Variants in GRIP1 observed in about 807,000 individuals in gnomAD.
GRIP1 encodes glutamate receptor-interacting protein 1.
A neutral mutation model predicts 129.9 loss-of-function variants in GRIP1; 45 were observed. The ratio of observed to expected loss-of-function variants is 0.35; its 90% confidence interval spans 0.27 to 0.44. GRIP1 has a LOEUF of 0.44. GRIP1 is among the 20% of genes least tolerant of loss of function. The pLI is 1.00. For synonymous variants in GRIP1, 530 were observed against 520.8 expected, an observed-to-expected ratio of 1.02 and a Z score of -0.24; for missense variants, 1,196 against 1,396.8, an observed-to-expected ratio of 0.86 and a Z score of 2.29.
chr12:66,592,909 G>A (rs915088290), intron 2 of GRIP1, among the ~76,000 whole-genome samples: 1 of 152,168 alleles, frequency 6.6e-6, no homozygotes, highest in African/African-American at 2.4e-5. Context: ...GGTAGAATCT[G>A]TTAGTTCTGA....
chr12:66,510,031 C>T (rs1192314966), intron 7 of GRIP1, among the ~76,000 whole-genome samples: 1 of 152,010 alleles, frequency 6.6e-6, no homozygotes, highest in Admixed American at 6.6e-5. Flanking sequence ...GCTCTCAGAC[C>T]CAATCATTTG....
intron 15 of GRIP1, among the ~76,000 whole-genome samples, chr12:66,412,795 T>C (rs2057449361): frequency 6.6e-6 from 1 of 152,102 alleles, no homozygotes; most frequent in African/African-American, 2.4e-5. Context: ...GAGTAAAATT[T>C]ACCAAGCAAT....
In GRIP1 at chr12:66,377,242, TCTC is replaced by T. The variant is rs775594005; in HGVS notation, c.2662_2664del (p.Glu888del). 7.4e-6 allele frequency: 12 copies of T among 1,613,654 alleles called. No homozygotes were observed. In the South Asian group the frequency reaches 7.7e-5, roughly 10 times the overall value. On this transcript the variant is annotated inframe_deletion, in exon 21 of 25. Coordinates refer to ENST00000359742, the MANE Select transcript of GRIP1 (RefSeq NM_001366722.1). Reference sequence around the variant, plus strand: ...TCCTCCAGCGCTTGAGACCAGAAGTTCTCCTCTTGTTCTGTCTCTGCACTATCG... The same window carrying T: ...TCCTCCAGCGCTTGAGACCAGAAGTTCTCTTGTTCTGTCTCTGCACTATCG...
chr12:67,002,372 C>T (rs2042563686), intron 1 of GRIP1, among the ~76,000 whole-genome samples: 1 of 152,164 alleles, frequency 6.6e-6, no homozygotes, highest in South Asian at 2.1e-4. Flanking sequence ...TGACACACTG[C>T]CACAAACTAT....
chr12:66,900,345 C>A (rs1292775867), intron 1 of GRIP1, among the ~76,000 whole-genome samples: 2 of 152,070 alleles, frequency 1.3e-5, no homozygotes, highest in Non-Finnish European at 2.9e-5. Flanking sequence ...TAAAAGAGAC[C>A]CCAGAGAGCT....
intron 1 of GRIP1, among the ~76,000 whole-genome samples, chr12:67,027,974 C>T (rs545082312): frequency 6.6e-6 from 1 of 152,304 alleles, no homozygotes; most frequent in South Asian, 2.1e-4. Flanking sequence ...TGGGTGGACC[C>T]AGGAGGCAAC....
chr12:66,691,783 G>A (rs1032293386), intron 1 of GRIP1, among the ~76,000 whole-genome samples: 5 of 152,022 alleles, frequency 3.3e-5, no homozygotes, highest in Admixed American at 3.3e-4. Context: ...CTCTTAACTT[G>A]TTTGCGTAGG....
chr12:66,762,424 T>C (rs2037504586), intron 1 of GRIP1, among the ~76,000 whole-genome samples: 1 of 152,188 alleles, frequency 6.6e-6, no homozygotes, highest in Non-Finnish European at 1.5e-5. Flanking sequence ...TTCTTAGTCT[T>C]CTTATTAGTC....
At chr12:66,367,525 G>A (rs1422613382) in intron 23 of GRIP1, among the ~76,000 whole-genome samples, 1 of 152,168 alleles carries the variant, frequency 6.6e-6, no homozygotes, top group Admixed American at 6.5e-5. Flanking sequence ...CCATGGAAAA[G>A]GTCATCAGGG....
intron 1 of GRIP1, among the ~76,000 whole-genome samples, chr12:66,845,319 T>A (rs1181712892): frequency 6.6e-6 from 1 of 152,060 alleles, no homozygotes; most frequent in African/African-American, 2.4e-5. Context: ...TAGCCAGGCG[T>A]GGTGGCACAT....
chr12:66,898,270 G>T (rs2040785808), intron 1 of GRIP1, among the ~76,000 whole-genome samples: 1 of 152,080 alleles, frequency 6.6e-6, no homozygotes. Flanking sequence ...TATAGCTTAT[G>T]GCATTTTTTT....
intron 5 of GRIP1, among the ~76,000 whole-genome samples, chr12:66,522,278 G>A (rs927648597): frequency 1.3e-5 from 2 of 152,140 alleles, no homozygotes; most frequent in Non-Finnish European, 2.9e-5. Context: ...CACCTCACAC[G>A]GCCGGGTACT....
chr12:66,554,327 A>T (rs1737519386), intron 2 of GRIP1, among the ~76,000 whole-genome samples: 1 of 152,190 alleles, frequency 6.6e-6, no homozygotes, highest in Non-Finnish European at 1.5e-5. Context: ...GGAAGAATCC[A>T]ATTCTGGCAG....
At chr12:66,811,731 A>ATATT (rs1412698819) in intron 1 of GRIP1, among the ~76,000 whole-genome samples, 1 of 151,978 alleles carries the variant, frequency 6.6e-6, no homozygotes, top group African/African-American at 2.4e-5. Context: ...TAAGTTATAC[A>ATATT]TATTTATTTA....
At chr12:66,549,292 A>G (rs1185908843) in intron 2 of GRIP1, among the ~76,000 whole-genome samples, 1 of 152,164 alleles carries the variant, frequency 6.6e-6, no homozygotes, top group South Asian at 2.1e-4. Flanking sequence ...GACGGTGCAG[A>G]AGCAAAATGA....
rs554741297 is a variant in GRIP1, at chr12:66,565,531, G to A, written c.137-23581C>T. ...ATGCTGTTTTGGTTACTGTAGCCTT[G>A]TAGTATAGTTTGAAGTCAGGTAGCG... On this transcript the variant is annotated intron_variant, in intron 2 of 24. Transcript: ENST00000359742. Among the ~76,000 whole-genome samples the A allele has an allele frequency of 2.5e-3, 374 of 152,284 alleles. 4 individuals carry two copies. Among genetic ancestry groups the A allele is most frequent in the African/African-American group, 8.5e-3 (352 of 41,554 alleles).
At chr12:67,066,488 T>G (rs971906693) in intron 1 of GRIP1, among the ~76,000 whole-genome samples, 1 of 152,184 alleles carries the variant, frequency 6.6e-6, no homozygotes, top group Non-Finnish European at 1.5e-5. Flanking sequence ...AATGTTTACA[T>G]GTAGATTGGG....
intron 1 of GRIP1, among the ~76,000 whole-genome samples, chr12:66,715,471 TGA>T (rs71447469): frequency 0.01 from 1,122 of 110,016 alleles, 8 homozygotes; most frequent in African/African-American, 0.023. Flanking sequence ...TGTGTGTGTG[TGA>T]GAGAGAGAGA....
upstream of GRIP1, among the ~76,000 whole-genome samples, chr12:66,805,223 G>A (rs905821040): frequency 1.3e-5 from 2 of 152,104 alleles, no homozygotes; most frequent in African/African-American, 4.8e-5. Context: ...TGAAGACAGT[G>A]GAAAGAGAAA....
Sources: gnomAD v4.1 joint callset for allele counts (sites outside exome capture counted in the v4.1 genomes callset) on GRCh38, gnomAD v4.1.1 for gene constraint, MANE v1.5 for transcripts, NCBI Gene and HGNC (gene_info 2026-07-23, HGNC 2026-07-21) for gene names.